KLHL1: variants seen among roughly 807,000 people sequenced by gnomAD.
KLHL1 encodes the protein kelch-like protein 1.
KLHL1 carries 47 observed loss-of-function variants against 77.7 expected under a neutral mutation model. That is an observed-to-expected ratio of 0.60 (90% CI 0.48 to 0.77). The LOEUF is 0.77. Ranked by LOEUF, KLHL1 falls within the 30% of genes least tolerant of loss-of-function variation. The pLI, the probability that KLHL1 is intolerant of heterozygous loss-of-function variation, is 0.00. For missense variants in KLHL1, 925 were observed against 910.8 expected, an observed-to-expected ratio of 1.02 and a Z score of -0.20; for synonymous variants, 360 against 325.2, an observed-to-expected ratio of 1.11 and a Z score of -1.15.
chr13:70,040,481 T>C (rs890885908), intron 1 of KLHL1, among the ~76,000 whole-genome samples: 9 of 152,194 alleles, frequency 5.9e-5, no homozygotes, highest in Non-Finnish European at 1.0e-4. Context: ...TTATTCCATA[T>C]AGAATTCTGG....
Position 69,979,280 on chromosome 13 carries a change from A to G in KLHL1, c.498-3478T>C, listed in dbSNP as rs148482917. 1.5e-3 allele frequency among the ~76,000 whole-genome samples: 225 copies of G among 152,064 alleles called. 1 individual carries two copies. The highest frequency in any genetic ancestry group is 4.8e-3 in the African/African-American group (200 of 41,538). ...GAACACATTACTTCTCTTCAAGGTC[A>G]TTAATCTTTCAGATAAATGGTTATG... On this transcript the variant is annotated intron_variant, in intron 1 of 10. Transcript: ENST00000377844.
chr13:70,099,839 G>A (rs558526477), intron 1 of KLHL1, among the ~76,000 whole-genome samples: 49 of 151,806 alleles, frequency 3.2e-4, no homozygotes, highest in African/African-American at 1.0e-3. Flanking sequence ...TTTTTTATAT[G>A]GCAGAATAGT....
intron 1 of KLHL1, among the ~76,000 whole-genome samples, chr13:69,977,658 C>CACATT (rs1884584589): frequency 1.3e-5 from 2 of 151,998 alleles, no homozygotes; most frequent in Admixed American, 1.3e-4. Context: ...TGGACTTAAA[C>CACATT]ACGTTTTAAT....
intron 6 of KLHL1, among the ~76,000 whole-genome samples, chr13:69,816,551 C>T (rs574999824): frequency 6.6e-6 from 1 of 152,094 alleles, no homozygotes; most frequent in East Asian, 1.9e-4. Context: ...AGGCACCGTG[C>T]CTGGCCTGGA....
At chr13:70,052,763 G>A (rs1014425497) in intron 1 of KLHL1, among the ~76,000 whole-genome samples, 5 of 151,788 alleles carry the variant, frequency 3.3e-5, no homozygotes, top group African/African-American at 9.7e-5. Flanking sequence ...ATAGGCCTTA[G>A]GTTAATTTCA....
chr13:69,857,428 A>T (rs527860055), intron 5 of KLHL1, among the ~76,000 whole-genome samples: 1 of 152,104 alleles, frequency 6.6e-6, no homozygotes, highest in East Asian at 1.9e-4. Flanking sequence ...CCCCTAGTGG[A>T]CATATTACTT....
chr13:69,711,244 G>T (rs1413651420), intron 9 of KLHL1, among the ~76,000 whole-genome samples: 1 of 151,960 alleles, frequency 6.6e-6, no homozygotes, highest in African/African-American at 2.4e-5. Context: ...TAGATAGACA[G>T]CAATTAAACA....
intron 1 of KLHL1, among the ~76,000 whole-genome samples, chr13:70,057,384 A>G (rs558528812): frequency 4.6e-5 from 7 of 151,414 alleles, no homozygotes; most frequent in Non-Finnish European, 8.8e-5. Flanking sequence ...CTACTCAAAT[A>G]ATTCCAAAAA....
chr13:70,099,688 C>CT (rs1244861602), intron 1 of KLHL1, among the ~76,000 whole-genome samples: 1 of 151,820 alleles, frequency 6.6e-6, no homozygotes, highest in South Asian at 2.1e-4. Context: ...ATACAATAAG[C>CT]TTTTTGTCCC....
At chr13:69,839,904 G>T (rs989724814) in intron 5 of KLHL1, among the ~76,000 whole-genome samples, 24 of 151,788 alleles carry the variant, frequency 1.6e-4, no homozygotes, top group African/African-American at 5.3e-4. Context: ...TCGCTCTTTA[G>T]ATTATTTTTC....
intron 1 of KLHL1, among the ~76,000 whole-genome samples, chr13:70,079,549 C>A (rs1887344907): frequency 6.6e-6 from 1 of 152,092 alleles, no homozygotes; most frequent in South Asian, 2.1e-4. Context: ...CTTTTAGTTT[C>A]ATCAGTTTAC....
chr13:69,980,241 C>T (rs1272494094), intron 1 of KLHL1, among the ~76,000 whole-genome samples: 1 of 152,182 alleles, frequency 6.6e-6, no homozygotes, highest in African/African-American at 2.4e-5. Context: ...GAAATATTTA[C>T]TTCTGTAAGA....
intron 1 of KLHL1, among the ~76,000 whole-genome samples, chr13:70,055,728 C>T (rs1310873719): frequency 3.3e-5 from 5 of 151,892 alleles, no homozygotes; most frequent in South Asian, 2.1e-4. Context: ...GGTTTGTTTT[C>T]GCAATGAGAG....
intron 10 of KLHL1, among the ~76,000 whole-genome samples, chr13:69,703,445 A>G (rs1177628132): frequency 1.4e-5 from 2 of 144,980 alleles, no homozygotes; most frequent in Non-Finnish European, 3.1e-5. Flanking sequence ...AAGAGTTTAA[A>G]AAGTAAAAAA....
At position 69,965,276 on chromosome 13, in the gene KLHL1, T is replaced by C. The variant is rs145628285; in HGVS notation, c.681-3832A>G. ...TTTCCAACAGCATGGGCTCACTTCATGTATCTTGGTCACATTTTGGTAATT... is the reference window on the plus strand; with the variant it reads ...TTTCCAACAGCATGGGCTCACTTCACGTATCTTGGTCACATTTTGGTAATT... On this transcript the variant is annotated intron_variant, in intron 2 of 10. Coordinates refer to ENST00000377844, the MANE Select transcript of KLHL1 (RefSeq NM_020866.3). Among the ~76,000 whole-genome samples, 295 of 152,334 alleles carry C rather than the reference T, an allele frequency of 1.9e-3. 3 individuals are homozygous for C. The Middle Eastern group carries it at 0.02, about 11-fold the overall frequency.
chr13:69,970,646 G>A (rs1410314223), intron 2 of KLHL1, among the ~76,000 whole-genome samples: 1 of 152,044 alleles, frequency 6.6e-6, no homozygotes, highest in Non-Finnish European at 1.5e-5. Flanking sequence ...CTCAACCTGT[G>A]GGTGGATCTT....
Position 69,767,121 on chromosome 13 carries a change from C to T in KLHL1, c.1640-26565G>A, listed in dbSNP as rs185191747. ...ATATCCTACTTTAACTTAATTATTG[C>T]TATATTTATTAACTGCTTAATTACT... On this transcript the variant is annotated intron_variant, in intron 7 of 10. Transcript: ENST00000377844. Among the ~76,000 whole-genome samples the T allele has an allele frequency of 5.0e-3, 751 of 151,562 alleles. 4 individuals are homozygous for T. Among genetic ancestry groups the T allele is most frequent in the African/African-American group, 0.018 (734 of 41,296 alleles).
At chr13:70,059,107 G>T (rs1353877526) in intron 1 of KLHL1, among the ~76,000 whole-genome samples, 1 of 149,160 alleles carries the variant, frequency 6.7e-6, no homozygotes, top group Non-Finnish European at 1.5e-5. Flanking sequence ...ACTACTACAA[G>T]AAAACATTCG....
intron 6 of KLHL1, among the ~76,000 whole-genome samples, chr13:69,827,601 A>C (rs35457419): frequency 6.6e-6 from 1 of 151,518 alleles, no homozygotes; most frequent in Non-Finnish European, 1.5e-5. Context: ...GTGGTGGTGC[A>C]TGGCTGTAAT....
Sources: allele counts gnomAD v4.1 joint callset (sites outside exome capture counted in the v4.1 genomes callset), GRCh38; gene constraint gnomAD v4.1.1; transcripts MANE v1.5; gene names NCBI Gene and HGNC (gene_info 2026-07-23, HGNC 2026-07-21).